Variants in CDKN2A observed in about 807,000 individuals in gnomAD.
The protein encoded by CDKN2A is cyclin-dependent kinase inhibitor 2A.
CDKN2A carries 3 observed loss-of-function variants against 11.1 expected under a neutral mutation model. That is an observed-to-expected ratio of 0.27 (90% confidence interval 0.12 to 0.70). CDKN2A has a LOEUF of 0.70. CDKN2A is among the 30% of genes least tolerant of loss of function. The pLI is 0.77. For synonymous variants in CDKN2A, 122 were observed against 108.1 expected, an observed-to-expected ratio of 1.13 and a Z score of -0.80; for missense variants, 265 against 233.6, an observed-to-expected ratio of 1.13 and a Z score of -0.88.
At chr9:21,975,254 T>G, upstream of CDKN2A, 1 of 644,858 alleles carries the variant, frequency 1.6e-6, no homozygotes, top group Non-Finnish European at 1.9e-6. Flanking sequence ...CGTGTTTGAG[T>G]GCGTTCACTC....
intron 2 of CDKN2A, among the ~76,000 whole-genome samples, chr9:21,981,176 G>A (rs1179766408): frequency 1.3e-5 from 1 of 74,490 alleles, no homozygotes. Context: ...ATATATATAC[G>A]TGTATATATA....
upstream of CDKN2A, among the ~76,000 whole-genome samples, chr9:21,977,475 C>T (rs1468773948): frequency 1.3e-5 from 2 of 152,178 alleles, no homozygotes; most frequent in African/African-American, 2.4e-5. Flanking sequence ...GAGCAATTCT[C>T]CTGCCTCAGC....
rs1421748005 is a variant in CDKN2A at position 21,988,447 on chromosome 9, T to C, written c.-4+5435A>G. On this transcript the variant is annotated intron_variant, in intron 2 of 3. Coordinates refer to the CDKN2A transcript ENST00000494262. This position sits in a 1 kb window ranked among gnomAD's most constrained non-coding sequence, Gnocchi z 4.1. Reference sequence around the variant, plus strand: ...TTACTTCTTTTTGATTGTAGAGTTCTGCCCAAATGAAACCATCATTCCAGG... The same window carrying C: ...TTACTTCTTTTTGATTGTAGAGTTCCGCCCAAATGAAACCATCATTCCAGG... Among the ~76,000 whole-genome samples the C allele has an allele frequency of 6.6e-6, 1 of 152,194 alleles. No homozygotes were observed. Among genetic ancestry groups the C allele is most frequent in the Non-Finnish European group, 1.5e-5 (1 of 68,030 alleles).
In CDKN2A at chr9:21,967,941, C is replaced by A. The variant is rs1233868523; in HGVS notation, c.*288G>T. 1.3e-5 allele frequency: 6 copies of A among 447,246 alleles called. No homozygotes were observed. The highest frequency in any genetic ancestry group is 1.1e-4 in the Admixed American group (3 of 27,776). The allele number at this position is 447,246 out of a possible 1,614,324, so 27.7% of individuals were successfully genotyped here. A position where few individuals can be genotyped will look rare whatever the true frequency, so the allele number is the denominator to read the frequency against. On this transcript the variant is annotated 3_prime_UTR_variant, in exon 3 of 3. Transcript: ENST00000304494. ...TGCCCACATGAATGTGCGCTTAGGG[C>A]GTGAGTGCTCACTCCAGAAAACTCC...
At chr9:21,983,798 A>G (rs1248499194) in intron 2 of CDKN2A, among the ~76,000 whole-genome samples, 1 of 152,016 alleles carries the variant, frequency 6.6e-6, no homozygotes, top group Admixed American at 6.5e-5. Flanking sequence ...GGAAATGCCA[A>G]CCATATCCTT....
intron 1 of CDKN2A, among the ~76,000 whole-genome samples, chr9:21,973,110 TG>T (rs1456304308): frequency 6.6e-6 from 1 of 152,208 alleles, no homozygotes; most frequent in African/African-American, 2.4e-5. Flanking sequence ...GTGTATTCAA[TG>T]AAGTCCTTCG....
At chr9:21,989,806 G>A (rs528932761) in intron 2 of CDKN2A, 1 of 152,318 alleles carries the variant, frequency 6.6e-6, no homozygotes, top group South Asian at 2.1e-4. Context: ...CGTCTTCCAC[G>A]TGGAACCCCA....
In CDKN2A at chr9:21,974,557, C is replaced by T. The variant is rs1177626093; in HGVS notation, c.150+121G>A. ...TGATTACAAACCCCTTCTGAAAACT[C>T]CCCAGGAAGCCTCCCCTTTTTCCGG... On this transcript the variant is annotated intron_variant, in intron 1 of 2. Coordinates refer to ENST00000304494, the MANE Select transcript of CDKN2A (RefSeq NM_000077.5). This position sits in a 1 kb window ranked among gnomAD's most constrained non-coding sequence, Gnocchi z 5.2. 9.9e-6 allele frequency: 16 copies of T among 1,613,370 alleles called. No individual in the cohort carries two copies. The South Asian group carries it at 1.8e-4, about 18-fold the overall frequency.
At chr9:21,994,379 T>G (rs1273297993) in intron 1 of CDKN2A, 1 of 1,607,878 alleles carries the variant, frequency 6.2e-7, no homozygotes, top group Non-Finnish European at 8.5e-7. Context: ...GCGCCGCCCT[T>G]TGGCACCAGA....
At position 21,968,590 on chromosome 9, in the gene CDKN2A, G is replaced by A; in HGVS notation, c.458-348C>T. ...GGTTGCTCACAATGCCAGGCGCGAAGGCGTGAAGATGTGGCCTTTCCCTTC... is the reference window on the plus strand; with the variant it reads ...GGTTGCTCACAATGCCAGGCGCGAAAGCGTGAAGATGTGGCCTTTCCCTTC... On this transcript the variant is annotated intron_variant, in intron 2 of 2. Transcript: ENST00000304494. The surrounding 1 kb of genome is among the most constrained non-coding windows in gnomAD (Gnocchi z 4.7). 1 of 1,479,408 alleles carries A rather than the reference G, an allele frequency of 6.8e-7. No homozygotes were observed. Among genetic ancestry groups the A allele is most frequent in the Non-Finnish European group, 8.9e-7 (1 of 1,120,828 alleles). 91.6% of individuals were successfully genotyped at this position (1,479,408 alleles called of 1,614,324 possible).
chr9:21,969,745 G>A (rs771374159), intron 2 of CDKN2A: 1 of 397,448 alleles, frequency 2.5e-6, no homozygotes, highest in Non-Finnish European at 4.4e-6. Context: ...GCTGTAACTG[G>A]AGCCGAAGTC....
chr9:21,967,987 G>C lies in CDKN2A; in HGVS notation c.*242C>G. On this transcript the variant is annotated 3_prime_UTR_variant, in exon 3 of 3. Coordinates refer to ENST00000304494, the MANE Select transcript of CDKN2A (RefSeq NM_000077.5). ...ACTCCAACACAGTGAAAAGGCAGAA[G>C]CGGTGTTTTTCTTTTTTACATTTTT... The C allele has an allele frequency of 7.4e-6, 4 of 539,008 alleles. No homozygotes were observed. Among genetic ancestry groups the C allele is most frequent in the Non-Finnish European group, 1.3e-5 (4 of 304,010 alleles). 33.4% of individuals were successfully genotyped at this position (539,008 alleles called of 1,614,324 possible).
exon 2 of CDKN2A, chr9:21,994,014 G>T: frequency 9.5e-7 from 1 of 1,055,738 alleles, no homozygotes; most frequent in Non-Finnish European, 1.4e-6. Context: ...GAATGGGGAA[G>T]CCTCCACCGG....
chr9:21,968,611 C>T lies in CDKN2A; in HGVS notation c.458-369G>A, dbSNP rs938736569. 2.8e-5 allele frequency: 42 copies of T among 1,506,432 alleles called. No homozygotes were observed. The African/African-American group carries it at 4.8e-4, about 17-fold the overall frequency. 93.3% of individuals were successfully genotyped at this position (1,506,432 alleles called of 1,614,324 possible). Reference sequence around the variant, plus strand: ...CGAAGGCGTGAAGATGTGGCCTTTCCCTTCCCGCATCCCCAGGCATCTTTT... The same window carrying T: ...CGAAGGCGTGAAGATGTGGCCTTTCTCTTCCCGCATCCCCAGGCATCTTTT... On this transcript the variant is annotated intron_variant, in intron 2 of 2. Coordinates refer to ENST00000304494, the MANE Select transcript of CDKN2A (RefSeq NM_000077.5). This position sits in a 1 kb window ranked among gnomAD's most constrained non-coding sequence, Gnocchi z 4.7.
chr9:21,968,885 A>T lies in CDKN2A; in HGVS notation c.458-643T>A. On this transcript the variant is annotated intron_variant, in intron 2 of 2. Coordinates refer to ENST00000304494, the MANE Select transcript of CDKN2A (RefSeq NM_000077.5). This position sits in a 1 kb window ranked among gnomAD's most constrained non-coding sequence, Gnocchi z 4.7. The stretch of plus-strand genomic sequence containing the variant: ...TCGGTTCTCCCGAGGCAGCATTTAC[A>T]CTTGAGAGTCTCAAGATTATTTTAT... The T allele has an allele frequency of 4.0e-6, 4 of 988,524 alleles. No homozygotes were observed. The South Asian group carries it at 4.2e-5, about 10-fold the overall frequency. The allele number at this position is 988,524 out of a possible 1,614,324, so 61.2% of individuals were successfully genotyped here.
chr9:21,968,367 G>C lies in CDKN2A; in HGVS notation c.458-125C>G, dbSNP rs535259744. The C allele has an allele frequency of 9.8e-5, 146 of 1,495,452 alleles. No individual in the cohort carries two copies. The highest frequency in any genetic ancestry group is 1.3e-4 in the Non-Finnish European group (140 of 1,095,534). The allele number at this position is 1,495,452 out of a possible 1,614,324, so 92.6% of individuals were successfully genotyped here. Reference sequence around the variant, plus strand: ...ACTTATGGATAAAGTTCTCGCAATGGCTTCACGTGCATGTACCCGCCGCCA... The same window carrying C: ...ACTTATGGATAAAGTTCTCGCAATGCCTTCACGTGCATGTACCCGCCGCCA... On this transcript the variant is annotated intron_variant, in intron 2 of 2. Coordinates refer to ENST00000304494, the MANE Select transcript of CDKN2A (RefSeq NM_000077.5). This position sits in a 1 kb window ranked among gnomAD's most constrained non-coding sequence, Gnocchi z 4.7.
At chr9:21,972,516 C>T (rs1473210898) in intron 1 of CDKN2A, among the ~76,000 whole-genome samples, 2 of 152,164 alleles carry the variant, frequency 1.3e-5, no homozygotes, top group Non-Finnish European at 2.9e-5. Flanking sequence ...GACAAGGAAA[C>T]AGATTGCCCC....
chr9:21,977,766 AT>A (rs549742600), upstream of CDKN2A, among the ~76,000 whole-genome samples: 4 of 152,022 alleles, frequency 2.6e-5, no homozygotes, highest in Non-Finnish European at 5.9e-5. Flanking sequence ...GTAGGTAATG[AT>A]TTTTTTTAAA....
intron 1 of CDKN2A, chr9:21,994,501 C>A: frequency 7.1e-7 from 1 of 1,416,746 alleles, no homozygotes; most frequent in Non-Finnish European, 9.3e-7. Context: ...GCGCCCGCCC[C>A]CCACCTTCAC....
Sources: allele counts gnomAD v4.1 joint callset (sites outside exome capture counted in the v4.1 genomes callset), GRCh38; gene constraint gnomAD v4.1.1; non-coding constraint Gnocchi (gnomAD v3.1); transcripts MANE v1.5; gene names NCBI Gene and HGNC (gene_info 2026-07-23, HGNC 2026-07-21).